Variants in AACS observed in about 807,000 individuals in gnomAD.
AACS encodes acetoacetate-CoA ligase.
A neutral mutation model predicts 83.1 loss-of-function variants in AACS; 69 were observed. That is an observed-to-expected ratio of 0.83 (90% CI 0.68 to 1.01). The LOEUF (loss-of-function observed/expected upper bound fraction) is 1.01, where lower values mean the gene tolerates loss of function less well. Ranked by LOEUF, AACS falls within the 50% of genes least tolerant of loss-of-function variation. The pLI is 0.00. For missense variants in AACS, 866 were observed against 882.2 expected (o/e 0.98, Z 0.23); for synonymous variants, 333 against 343.4 (o/e 0.97, Z 0.33).
intron 8 of AACS, among the ~76,000 whole-genome samples, chr12:125,112,628 C>T (rs994919685): frequency 1.4e-5 from 2 of 147,588 alleles, no homozygotes; most frequent in African/African-American, 5.1e-5. Context: ...TGCAGTGAGC[C>T]GAGATCACAC....
At chr12:125,101,303 A>C (rs908438411) in intron 5 of AACS, 4 of 152,266 alleles carry the variant, frequency 2.6e-5, no homozygotes, top group African/African-American at 4.8e-5. Context: ...CCATGCCTGC[A>C]TGGAAGGAAT....
chr12:125,072,746 C>T (rs1955903814), intron 1 of AACS, among the ~76,000 whole-genome samples: 1 of 152,124 alleles, frequency 6.6e-6, no homozygotes, highest in African/African-American at 2.4e-5. Context: ...AGTCACATTT[C>T]CTTTAGGAGT....
intron 10 of AACS, chr12:125,120,291 T>G (rs1274787040): frequency 6.6e-6 from 1 of 152,160 alleles, no homozygotes; most frequent in Non-Finnish European, 1.5e-5. Flanking sequence ...AATGACAGTG[T>G]TTCCAGAGAT....
chr12:125,131,872 C>A (rs1957333781), intron 14 of AACS, among the ~76,000 whole-genome samples: 1 of 152,262 alleles, frequency 6.6e-6, no homozygotes, highest in Admixed American at 6.5e-5. Context: ...GCTGGGATTA[C>A]AGGCGTGAGC....
At chr12:125,072,796 T>C (rs543952416) in intron 1 of AACS, among the ~76,000 whole-genome samples, 1 of 152,242 alleles carries the variant, frequency 6.6e-6, no homozygotes, top group Admixed American at 6.5e-5. Context: ...GCTCATGTCT[T>C]GATGGTGGGG....
At position 125,065,692 on chromosome 12, in the gene AACS, G is replaced by A. The variant is rs763562803; in HGVS notation, c.108G>A (p.Val36=). ...AGATGGACCGCTTCCGGGCGGCTGT[G>A]GGCGCCGCCTGCGGCCTGGCGCTGG... The part of the protein sequence containing the change: ...NTQMDRFRAA[V]GAACGLALES... Residue 36 remains valine (V), a synonymous_variant, in exon 1 of 18, where the codon GTG becomes GTA. Coordinates refer to ENST00000316519, the MANE Select transcript of AACS (RefSeq NM_023928.5). 61 of 1,542,068 alleles carry A rather than the reference G, an allele frequency of 4.0e-5. No homozygotes were observed. Among genetic ancestry groups the A allele is most frequent in the Non-Finnish European group, 4.8e-5 (55 of 1,143,408 alleles).
At chr12:125,069,595 G>T (rs967555322) in intron 1 of AACS, among the ~76,000 whole-genome samples, 1 of 152,208 alleles carries the variant, frequency 6.6e-6, no homozygotes, top group African/African-American at 2.4e-5. Context: ...ATGTGCCTGT[G>T]ATTCCAGGCC....
chr12:125,106,078 T>G (rs1193257953), intron 7 of AACS, among the ~76,000 whole-genome samples: 1 of 152,226 alleles, frequency 6.6e-6, no homozygotes, highest in East Asian at 1.9e-4. Context: ...TGCCTTCTCA[T>G]GCAAGACAGC....
chr12:125,096,225 G>T (rs1956604990), intron 5 of AACS, among the ~76,000 whole-genome samples: 1 of 152,232 alleles, frequency 6.6e-6, no homozygotes, highest in Admixed American at 6.5e-5. Context: ...GGGATTACAG[G>T]CATGAGCCAC....
At chr12:125,116,898 T>C (rs1452839099) in intron 9 of AACS, among the ~76,000 whole-genome samples, 1 of 121,486 alleles carries the variant, frequency 8.2e-6, no homozygotes. Context: ...TCCCTACCTC[T>C]CCCTTCCTTT....
intron 7 of AACS, among the ~76,000 whole-genome samples, chr12:125,106,160 G>A (rs1956829303): frequency 6.6e-6 from 1 of 152,238 alleles, no homozygotes; most frequent in Non-Finnish European, 1.5e-5. Flanking sequence ...GCTGCAGGCT[G>A]CGTTTAACTG....
intron 4 of AACS, among the ~76,000 whole-genome samples, chr12:125,088,290 G>T (rs1956386616): frequency 6.7e-6 from 1 of 150,142 alleles, no homozygotes; most frequent in Non-Finnish European, 1.5e-5. Context: ...GGACTGCAGT[G>T]GCGTGATCAT....
intron 10 of AACS, chr12:125,123,296 T>G (rs777490656): frequency 1.3e-5 from 2 of 152,224 alleles, no homozygotes; most frequent in Non-Finnish European, 2.9e-5. Context: ...TCATGAGGTC[T>G]CCATCCTCTG....
intron 8 of AACS, among the ~76,000 whole-genome samples, chr12:125,108,004 T>A (rs1404190351): frequency 6.6e-6 from 1 of 152,104 alleles, no homozygotes; most frequent in East Asian, 1.9e-4. Context: ...AATAGGCTCA[T>A]AAGAGGTATG....
At chr12:125,084,888 T>A (rs1489245703) in intron 3 of AACS, among the ~76,000 whole-genome samples, 1 of 152,262 alleles carries the variant, frequency 6.6e-6, no homozygotes, top group East Asian at 1.9e-4. Context: ...AGCCTTAGTT[T>A]TAACATTTTT....
intron 2 of AACS, among the ~76,000 whole-genome samples, chr12:125,076,178 C>T (rs1348085845): frequency 1.3e-5 from 2 of 152,190 alleles, no homozygotes; most frequent in East Asian, 3.8e-4. Context: ...CTGGGCAGAG[C>T]CTGACGTGTT....
chr12:125,084,394 TCTTTC>T (rs1429282352), intron 3 of AACS, among the ~76,000 whole-genome samples: 6 of 151,002 alleles, frequency 4.0e-5, no homozygotes, highest in Non-Finnish European at 5.9e-5. Context: ...CTCCTTTCCT[TCTTTC>T]CTTTCCTTTC....
intron 1 of AACS, among the ~76,000 whole-genome samples, chr12:125,067,518 G>T (rs1405725021): frequency 6.6e-6 from 1 of 151,130 alleles, no homozygotes; most frequent in Non-Finnish European, 1.5e-5. Context: ...TTGAAGAGAA[G>T]GGATTTGTAA....
chr12:125,102,427 T>C (rs1403264531), intron 5 of AACS: 3 of 398,744 alleles, frequency 7.5e-6, no homozygotes, highest in Admixed American at 3.6e-5. Context: ...GCCCTTTCTC[T>C]CCCGTGAAAT....
Sources: allele counts gnomAD v4.1 joint callset (sites outside exome capture counted in the v4.1 genomes callset), GRCh38; gene constraint gnomAD v4.1.1; transcripts MANE v1.5; gene names NCBI Gene and HGNC (gene_info 2026-07-23, HGNC 2026-07-21).